TJP3: variants seen among roughly 807,000 people sequenced by gnomAD.
TJP3 encodes tight junction protein ZO-3.
A neutral mutation model predicts 104.2 loss-of-function variants in TJP3; 85 were observed. That is an observed-to-expected ratio of 0.82 (90% confidence interval 0.68 to 0.98). The LOEUF (loss-of-function observed/expected upper bound fraction) is 0.98. Ranked by LOEUF, TJP3 falls within the 50% of genes least tolerant of loss-of-function variation. TJP3 has a pLI of 0.00. For missense variants in TJP3, 1,367 were observed against 1,322.8 expected (o/e 1.03, Z -0.52); for synonymous variants, 550 against 550.6 (o/e 1.00, Z 0.02).
At chr19:3,715,938 T>G (rs942237092) in intron 1 of TJP3, among the ~76,000 whole-genome samples, 1 of 145,412 alleles carries the variant, frequency 6.9e-6, no homozygotes. Context: ...ACCACCACAC[T>G]CGGCTAATTT....
Position 3,713,108 on chromosome 19 carries a change from C to G in TJP3, c.-10+4547C>G, listed in dbSNP as rs532664715. ...CCCCCATGAGGTCCTCCAGCCTCCC[C>G]AGGACGCCAAACCCTGAGACGTTCT... On this transcript the variant is annotated intron_variant, in intron 1 of 20. Transcript: ENST00000541714. Among the ~76,000 whole-genome samples, 3 of 152,246 alleles carry G rather than the reference C, an allele frequency of 2.0e-5. No homozygotes were observed. The South Asian group carries it at 6.2e-4, about 32-fold the overall frequency.
Position 3,733,807 on chromosome 19 carries a change from G to A in TJP3, c.772G>A (p.Glu258Lys). The change falls in exon 7 of 21, where the codon GAG (glutamate) becomes AAG (lysine). Residue 258 changes from glutamate to lysine, a missense_variant. By Grantham distance (56) the Glu-to-Lys change is moderately conservative (BLOSUM62 1). Coordinates refer to ENST00000541714, the MANE Select transcript of TJP3 (RefSeq NM_001267560.2). ...LSLNDTRRLI[E>K]KSEGKLSLLV... ...ACTGAACGACACCCGGCGACTGATT[G>A]AGAAGTCAGAAGGGAAGCTAAGCCT... 6.2e-7 allele frequency: 1 copy of A among 1,614,220 alleles called. No individual in the cohort carries two copies. Among genetic ancestry groups the A allele is most frequent in the Non-Finnish European group, 8.5e-7 (1 of 1,180,040 alleles).
chr19:3,729,358 G>A (rs2036639502), intron 3 of TJP3, among the ~76,000 whole-genome samples: 1 of 152,080 alleles, frequency 6.6e-6, no homozygotes, highest in Admixed American at 6.6e-5. Flanking sequence ...CCAGAATTAG[G>A]GACCACCAGG....
chr19:3,713,526 G>A (rs1164378172), intron 1 of TJP3, among the ~76,000 whole-genome samples: 5 of 152,194 alleles, frequency 3.3e-5, no homozygotes, highest in Admixed American at 1.3e-4. Context: ...GCCCTGGGGC[G>A]GCAAAGGGCC....
rs1221657815 is a variant in TJP3 at position 3,711,211 on chromosome 19, T to C, written c.-10+2650T>C. 7.3e-5 allele frequency among the ~76,000 whole-genome samples: 4 copies of C among 54,930 alleles called. 2 individuals carry two copies. Among genetic ancestry groups the C allele is most frequent in the African/African-American group, 2.6e-4 (4 of 15,504 alleles). The allele number at this position is 54,930 out of a possible 152,430, so 36.0% of individuals were successfully genotyped here. On this transcript the variant is annotated intron_variant, in intron 1 of 20. Coordinates refer to ENST00000541714, the MANE Select transcript of TJP3 (RefSeq NM_001267560.2). The stretch of plus-strand genomic sequence containing the variant: ...ACCATGCCCGGCCTTATTTTATTTT[T>C]TTTTGAGATGGAGTCTCGCTCTGTT...
At chr19:3,749,047 T>G (rs554617243) in intron 19 of TJP3, among the ~76,000 whole-genome samples, 1 of 151,088 alleles carries the variant, frequency 6.6e-6, no homozygotes, top group East Asian at 2.0e-4. Context: ...TTTTAAGGTA[T>G]TCTTAGTAGA....
At chr19:3,717,610 T>C (rs2036492466) in intron 1 of TJP3, among the ~76,000 whole-genome samples, 1 of 151,692 alleles carries the variant, frequency 6.6e-6, no homozygotes, top group African/African-American at 2.4e-5. Context: ...TAATTTTTCG[T>C]ATTTTTGTAG....
chr19:3,717,385 C>A (rs1329668738), intron 1 of TJP3, among the ~76,000 whole-genome samples: 1 of 144,956 alleles, frequency 6.9e-6, no homozygotes, highest in East Asian at 2.0e-4. Flanking sequence ...CAGGCGTGAG[C>A]CACTGTGCCC....
chr19:3,748,267 A>ATT (rs1274711670), intron 19 of TJP3, among the ~76,000 whole-genome samples, 186 bp downstream of exon 19: 2,007 of 119,668 alleles, frequency 0.017, 87 homozygotes, highest in African/African-American at 0.059. Flanking sequence ...AACTTGCAGC[A>ATT]TTTTTTTTTT....
intron 1 of TJP3, chr19:3,721,740 C>T: frequency 2.6e-6 from 1 of 389,218 alleles, no homozygotes. Context: ...CAGGTGCAGC[C>T]GGGAGCTGCG....
rs542571430 is a variant in TJP3, at chr19:3,716,955, C to T, written c.-10+8394C>T. Among the ~76,000 whole-genome samples, 33 of 132,104 alleles carry T rather than the reference C, an allele frequency of 2.5e-4. 2 individuals are homozygous for T. The highest frequency in any genetic ancestry group is 1.4e-3 in the Admixed American group (17 of 12,084). The allele number at this position is 132,104 out of a possible 152,430, so 86.7% of individuals were successfully genotyped here. Reference sequence around the variant, plus strand: ...CTGGGATTACAGGCGGGTGCCAACACGCCCAGGTGACTTTTTTTTTTTTTT... The same window carrying T: ...CTGGGATTACAGGCGGGTGCCAACATGCCCAGGTGACTTTTTTTTTTTTTT... On this transcript the variant is annotated intron_variant, in intron 1 of 20. Coordinates refer to ENST00000541714, the MANE Select transcript of TJP3 (RefSeq NM_001267560.2).
chr19:3,709,923 G>A (rs1004128254), intron 1 of TJP3, among the ~76,000 whole-genome samples: 8 of 152,130 alleles, frequency 5.3e-5, no homozygotes, highest in African/African-American at 1.9e-4. Context: ...GTCGAGGCGA[G>A]TGGATCACAA....
intron 3 of TJP3, 60 bp from the exon 4 acceptor site, chr19:3,729,968 G>C (rs2036646720): frequency 1.4e-6 from 2 of 1,440,544 alleles, no homozygotes; most frequent in Non-Finnish European, 2.0e-6. Flanking sequence ...CCCAGGGAGG[G>C]CTTGTTACGA....
chr19:3,725,615 C>G (rs921465489), intron 1 of TJP3, among the ~76,000 whole-genome samples: 3 of 150,840 alleles, frequency 2.0e-5, no homozygotes, highest in Non-Finnish European at 4.4e-5. Flanking sequence ...TAACTTGAAC[C>G]CAGGAGGTGG....
intron 1 of TJP3, among the ~76,000 whole-genome samples, chr19:3,725,003 G>A (rs1361147506): frequency 6.6e-6 from 1 of 152,200 alleles, no homozygotes; most frequent in Non-Finnish European, 1.5e-5. Flanking sequence ...GCTCACGCCT[G>A]TAATTCCAAC....
chr19:3,719,738 A>G (rs1433346662), intron 1 of TJP3, among the ~76,000 whole-genome samples: 6 of 146,362 alleles, frequency 4.1e-5, no homozygotes, highest in Admixed American at 4.0e-4. Flanking sequence ...GTCTCAAAAA[A>G]AAAAAAAAAA....
chr19:3,734,292 G>A, intron 7 of TJP3, 35 bp from the exon 8 acceptor site: 1 of 1,607,354 alleles, frequency 6.2e-7, no homozygotes, highest in Non-Finnish European at 8.5e-7. Context: ...CAGAAGGCGT[G>A]ACCATGGCTG....
At chr19:3,725,156 G>A (rs1165125731) in intron 1 of TJP3, among the ~76,000 whole-genome samples, 1 of 152,168 alleles carries the variant, frequency 6.6e-6, no homozygotes, top group African/African-American at 2.4e-5. Flanking sequence ...CAGCTACCTG[G>A]GAGGCTGAAG....
Position 3,740,615 on chromosome 19 carries a change from C to T in TJP3, c.1695C>T (p.Ser565=), listed in dbSNP as rs748248319. The T allele has an allele frequency of 1.0e-5, 16 of 1,577,544 alleles. No individual in the cohort carries two copies. The East Asian group carries it at 1.6e-4, about 16-fold the overall frequency. Reference sequence around the variant, plus strand: ...CCGTGGGAGTCGGGCCCGGCTCCTCCGCGGGCTCCAATGCTCGGGCCGAGT... The same window carrying T: ...CCGTGGGAGTCGGGCCCGGCTCCTCTGCGGGCTCCAATGCTCGGGCCGAGT... ...QRAVGVGPGS[S]AGSNARAEFW... The change falls in exon 14 of 21, where the codon TCC becomes TCT. Residue 565 remains serine, a synonymous_variant. Transcript: ENST00000541714.
Sources: gnomAD v4.1 joint callset for allele counts (sites outside exome capture counted in the v4.1 genomes callset) on GRCh38, gnomAD v4.1.1 for gene constraint, MANE v1.5 for transcripts, NCBI Gene and HGNC (gene_info 2026-07-23, HGNC 2026-07-21) for gene names.